EXOC4: variants seen among roughly 807,000 people sequenced by gnomAD.
The protein encoded by EXOC4 is SEC8-like 1.
A neutral mutation model predicts 107.2 loss-of-function variants in EXOC4; 71 were observed. That is an observed-to-expected ratio of 0.66 (90% CI 0.55 to 0.81). EXOC4 has a LOEUF of 0.81. Among genes scored for constraint, EXOC4 ranks in the 30% least tolerant of loss-of-function variants. The pLI is 0.00. For missense variants in EXOC4, 1,108 were observed against 1,189.6 expected (o/e 0.93, Z 1.01); for synonymous variants, 456 against 441.2 (o/e 1.03, Z -0.42).
At chr7:133,908,248 C>T (rs1563053031) in intron 12 of EXOC4, among the ~76,000 whole-genome samples, 1 of 152,226 alleles carries the variant, frequency 6.6e-6, no homozygotes, top group African/African-American at 2.4e-5. Flanking sequence ...GTGCAAGGGA[C>T]TTTATGGTCA....
chr7:133,254,665 CA>C (rs1290828377), intron 1 of EXOC4, among the ~76,000 whole-genome samples: 4 of 152,222 alleles, frequency 2.6e-5, no homozygotes, highest in Admixed American at 2.6e-4. Context: ...CTGAGTTTTG[CA>C]AAGATGAAGC....
rs548012476 is a variant in EXOC4, at chr7:133,795,320, C to T, written c.1515-22005C>T. On this transcript the variant is annotated intron_variant, in intron 10 of 17. Transcript: ENST00000253861. ...TTTTAGTGCTGTTTTAGTATGTTGA[C>T]CCTCTGTTCCCTGCAGCTGGGAGTT... 3.3e-5 allele frequency among the ~76,000 whole-genome samples: 5 copies of T among 152,312 alleles called. No individual in the cohort carries two copies. In the East Asian group the frequency reaches 9.6e-4, roughly 29 times the overall value.
At chr7:133,536,333 C>T (rs141673553) in intron 9 of EXOC4, among the ~76,000 whole-genome samples, 341 of 152,246 alleles carry the variant, frequency 2.2e-3, no homozygotes, top group Admixed American at 9.1e-3. Context: ...CTCCCTCCTC[C>T]TCTTTTTCTT....
At position 133,738,113 on chromosome 7, in the gene EXOC4, C is replaced by T. The variant is rs118150043; in HGVS notation, c.1515-79212C>T. On this transcript the variant is annotated intron_variant, in intron 10 of 17. Transcript: ENST00000253861. The stretch of plus-strand genomic sequence containing the variant: ...TTTTAGTAGAGACAGGATTTCACCA[C>T]GTGGGTCAGACTGGTCTCGGACCCC... Among the ~76,000 whole-genome samples, 171 of 151,710 alleles carry T rather than the reference C, an allele frequency of 1.1e-3. 1 individual carries two copies. The East Asian group carries it at 0.024, about 21-fold the overall frequency.
chr7:133,543,360 T>C (rs1310916974), intron 9 of EXOC4, among the ~76,000 whole-genome samples: 2 of 152,132 alleles, frequency 1.3e-5, no homozygotes, highest in Non-Finnish European at 2.9e-5. Flanking sequence ...TCTTATCAGT[T>C]GATATTCCCT....
chr7:134,014,610 T>C (rs527880312), intron 17 of EXOC4, among the ~76,000 whole-genome samples: 142 of 152,156 alleles, frequency 9.3e-4, no homozygotes, highest in African/African-American at 3.3e-3. Flanking sequence ...TTTATAGAGA[T>C]AGATTAGTAG....
At chr7:133,369,138 CAG>C (rs1198342304) in intron 6 of EXOC4, among the ~76,000 whole-genome samples, 4 of 152,162 alleles carry the variant, frequency 2.6e-5, no homozygotes, top group African/African-American at 7.2e-5. Flanking sequence ...TGTGGGCAGT[CAG>C]AGAGTGTATA....
chr7:133,276,843 C>T (rs1251108647), intron 2 of EXOC4, among the ~76,000 whole-genome samples: 1 of 152,162 alleles, frequency 6.6e-6, no homozygotes, highest in African/African-American at 2.4e-5. Flanking sequence ...ATAAATTATG[C>T]TTCTACAAAT....
chr7:133,512,046 T>A (rs921092118), intron 9 of EXOC4, among the ~76,000 whole-genome samples: 3 of 152,168 alleles, frequency 2.0e-5, no homozygotes, highest in African/African-American at 7.2e-5. Context: ...CTCCTGGAGA[T>A]TACAGTCTAG....
At chr7:133,980,733 A>G (rs76850411) in intron 14 of EXOC4, among the ~76,000 whole-genome samples, 2,291 of 152,346 alleles carry the variant, frequency 0.015, 23 homozygotes, top group Non-Finnish European at 0.026. Flanking sequence ...CTCAACTGGC[A>G]TAAACACAGA....
chr7:133,714,083 T>C (rs1429816606), intron 10 of EXOC4, among the ~76,000 whole-genome samples: 1 of 152,120 alleles, frequency 6.6e-6, no homozygotes, highest in Non-Finnish European at 1.5e-5. Context: ...AGGCCCACCC[T>C]CACACCAGCA....
intron 7 of EXOC4, among the ~76,000 whole-genome samples, chr7:133,473,444 A>T (rs1158393518): frequency 6.6e-6 from 1 of 152,178 alleles, no homozygotes; most frequent in East Asian, 1.9e-4. Flanking sequence ...ACCTGTGCTT[A>T]TTTGGGTGCT....
At chr7:134,062,312 G>C (rs111469469) in intron 17 of EXOC4, among the ~76,000 whole-genome samples, 111 of 152,302 alleles carry the variant, frequency 7.3e-4, no homozygotes, top group South Asian at 2.5e-3. Flanking sequence ...GAAGCTAACC[G>C]TGTGAAAAGA....
At chr7:134,087,196 TC>T in the EXOC4 span, among the ~76,000 whole-genome samples, 1 of 152,184 alleles carries the variant, frequency 6.6e-6, no homozygotes, top group East Asian at 1.9e-4. Context: ...CTCTGACATT[TC>T]CCCCCTCCCT....
At chr7:133,968,254 C>G (rs1362432080) in intron 14 of EXOC4, among the ~76,000 whole-genome samples, 1 of 152,076 alleles carries the variant, frequency 6.6e-6, no homozygotes, top group Non-Finnish European at 1.5e-5. Context: ...TGAGATGGGT[C>G]TCCTGAATAC....
intron 17 of EXOC4, among the ~76,000 whole-genome samples, chr7:134,009,301 AGAT>A (rs1449540922): frequency 2.0e-5 from 3 of 152,248 alleles, no homozygotes; most frequent in Admixed American, 6.5e-5. Flanking sequence ...CAATTTATGG[AGAT>A]GATGAAATAT....
rs149096760 is a variant in EXOC4 at position 133,300,528 on chromosome 7, C to T, written c.472-5349C>T. On this transcript the variant is annotated intron_variant, in intron 3 of 17. Transcript: ENST00000253861. ...CCGACCACCATTTGTACATGAAGTC[C>T]GGTCTACTGGTGTCATGCTGTAAAC... 1.8e-4 allele frequency among the ~76,000 whole-genome samples: 28 copies of T among 152,306 alleles called. No homozygotes were observed. The East Asian group carries it at 2.9e-3, about 16-fold the overall frequency.
chr7:133,804,611 A>G lies in EXOC4; in HGVS notation c.1515-12714A>G, dbSNP rs773947048. 5.9e-5 allele frequency among the ~76,000 whole-genome samples: 9 copies of G among 152,202 alleles called. No individual in the cohort carries two copies. The South Asian group carries it at 1.0e-3, about 17-fold the overall frequency. ...CCAGTTTGTTTCTTCCAGACAATATATACTATAATTTTATTTCAGCAGGTA... is the reference window on the plus strand; with the variant it reads ...CCAGTTTGTTTCTTCCAGACAATATGTACTATAATTTTATTTCAGCAGGTA... On this transcript the variant is annotated intron_variant, in intron 10 of 17. Coordinates refer to ENST00000253861, the MANE Select transcript of EXOC4 (RefSeq NM_021807.4).
At chr7:133,285,432 C>A (rs993805203) in intron 2 of EXOC4, among the ~76,000 whole-genome samples, 10 of 152,174 alleles carry the variant, frequency 6.6e-5, no homozygotes, top group African/African-American at 2.4e-4. Flanking sequence ...TTTCCTCATA[C>A]TTGATTGATA....
Sources: allele counts gnomAD v4.1 joint callset (sites outside exome capture counted in the v4.1 genomes callset), GRCh38; gene constraint gnomAD v4.1.1; transcripts MANE v1.5; gene names NCBI Gene and HGNC (gene_info 2026-07-23, HGNC 2026-07-21).